The following FOCAD variants were observed in gnomAD, a reference collection of about 807,000 sequenced individuals.
FOCAD encodes the protein KIAA1797.
Under a neutral mutation model 225.6 loss-of-function variants are expected in FOCAD, and 198 were observed. The ratio of observed to expected loss-of-function variants is 0.88; its 90% confidence interval spans 0.78 to 0.99. FOCAD has a LOEUF of 0.99. Ranked by LOEUF, FOCAD falls within the 50% of genes least tolerant of loss-of-function variation. FOCAD has a pLI of 0.00. For synonymous variants in FOCAD, 897 were observed against 755.0 expected, an observed-to-expected ratio of 1.19 and a Z score of -3.08; for missense variants, 2,713 against 2,123.6, an observed-to-expected ratio of 1.28 and a Z score of -5.46.
chr9:20,863,513 A>T (rs1828962962), intron 16 of FOCAD: 1 of 152,132 alleles, frequency 6.6e-6, no homozygotes, highest in Non-Finnish European at 1.5e-5. Context: ...TGGGCTATAC[A>T]ATACCTATCA....
At chr9:20,815,156 A>G (rs1225338096) in intron 11 of FOCAD, among the ~76,000 whole-genome samples, 6 of 24,558 alleles carry the variant, frequency 2.4e-4, no homozygotes, top group African/African-American at 7.7e-4. Flanking sequence ...TTTTTTTTTG[A>G]GACAGTCTCG....
intron 6 of FOCAD, among the ~76,000 whole-genome samples, chr9:20,760,881 G>T (rs190803285): frequency 6.6e-6 from 1 of 152,254 alleles, no homozygotes; most frequent in East Asian, 1.9e-4. Context: ...CTGGGTGACA[G>T]GTTGTTAATG....
At chr9:20,994,334 T>C (rs1209925230) in intron 43 of FOCAD, among the ~76,000 whole-genome samples, 1 of 152,242 alleles carries the variant, frequency 6.6e-6, no homozygotes, top group Admixed American at 6.5e-5. Flanking sequence ...GCATTGGCCG[T>C]ATGGACTACA....
chr9:20,965,557 C>T (rs7869765), intron 35 of FOCAD, among the ~76,000 whole-genome samples: 55,637 of 151,850 alleles, frequency 0.37, 10,451 homozygotes, highest in East Asian at 0.46. Context: ...ATACAACATG[C>T]CATTTTAACC....
At chr9:20,776,993 A>G (rs529645175) in intron 8 of FOCAD, among the ~76,000 whole-genome samples, 1 of 152,166 alleles carries the variant, frequency 6.6e-6, no homozygotes, top group Non-Finnish European at 1.5e-5. Flanking sequence ...ATTGTTTTCG[A>G]CTGTATTTCA....
intron 43 of FOCAD, among the ~76,000 whole-genome samples, chr9:20,993,841 A>G (rs1401867067): frequency 6.6e-6 from 1 of 152,208 alleles, no homozygotes; most frequent in African/African-American, 2.4e-5. Flanking sequence ...TAAATTTACC[A>G]TTTATTTAAA....
At chr9:20,919,005 T>G (rs1834126655) in intron 24 of FOCAD, among the ~76,000 whole-genome samples, 1 of 152,148 alleles carries the variant, frequency 6.6e-6, no homozygotes, top group South Asian at 2.1e-4. Flanking sequence ...TGGCTTGTTT[T>G]GTTCAGAGCT....
intron 21 of FOCAD, chr9:20,897,125 G>A: frequency 6.6e-6 from 1 of 151,766 alleles, no homozygotes; most frequent in Non-Finnish European, 1.5e-5. Context: ...TTCGAGAATT[G>A]ACCCATTTAT....
At chr9:20,689,867 T>A (rs1371881167) in intron 1 of FOCAD, among the ~76,000 whole-genome samples, 1 of 152,228 alleles carries the variant, frequency 6.6e-6, no homozygotes, top group Non-Finnish European at 1.5e-5. Context: ...TAGTACTGTT[T>A]CTAAATTTAA....
chr9:20,769,960 C>CTT, intron 7 of FOCAD, 72 bp from the exon 8 acceptor site: 1 of 1,386,402 alleles, frequency 7.2e-7, no homozygotes, highest in Non-Finnish European at 1.0e-6. Context: ...TTGTTCAAAG[C>CTT]TTTTTGTGTA....
rs7039243 is a variant in FOCAD, at chr9:20,982,066, C to G, written c.4639-291C>G. Reference sequence around the variant, plus strand: ...AATTTAGCATCGCCCTTCCCTCCCCCAAAAGACCTCTGAATTGTAATTTTA... The same window carrying G: ...AATTTAGCATCGCCCTTCCCTCCCCGAAAAGACCTCTGAATTGTAATTTTA... On this transcript the variant is annotated intron_variant, in intron 38 of 43. Transcript: ENST00000338382. 9.1e-3 allele frequency among the ~76,000 whole-genome samples: 1,377 copies of G among 152,136 alleles called. 21 individuals carry two copies. Among genetic ancestry groups the G allele is most frequent in the African/African-American group, 0.031 (1,282 of 41,492 alleles).
At chr9:20,774,542 C>G (rs915170186) in intron 8 of FOCAD, among the ~76,000 whole-genome samples, 1 of 152,142 alleles carries the variant, frequency 6.6e-6, no homozygotes, top group African/African-American at 2.4e-5. Context: ...AGAATAAATG[C>G]TGTACTCTTT....
At chr9:20,901,540 A>G (rs948887001) in intron 21 of FOCAD, among the ~76,000 whole-genome samples, 1 of 151,718 alleles carries the variant, frequency 6.6e-6, no homozygotes, top group Non-Finnish European at 1.5e-5. Flanking sequence ...CATATTTGTT[A>G]AGATCACTCA....
At chr9:20,846,990 A>C (rs1371673971) in intron 15 of FOCAD, among the ~76,000 whole-genome samples, 1 of 152,128 alleles carries the variant, frequency 6.6e-6, no homozygotes, top group Non-Finnish European at 1.5e-5. Flanking sequence ...GCAAAGTTTG[A>C]CCTAGATTTC....
chr9:20,984,909 G>A (rs963986710), intron 39 of FOCAD, among the ~76,000 whole-genome samples: 8 of 152,056 alleles, frequency 5.3e-5, no homozygotes, highest in East Asian at 1.9e-4. Flanking sequence ...CAAGTGATTC[G>A]CCTGCCTCAG....
At chr9:20,801,867 C>T (rs947544444) in intron 11 of FOCAD, among the ~76,000 whole-genome samples, 1 of 152,110 alleles carries the variant, frequency 6.6e-6, no homozygotes, top group Non-Finnish European at 1.5e-5. Flanking sequence ...AAGTCAACCC[C>T]AGAATGCCTC....
At chr9:20,859,380 T>C (rs1419179717) in intron 15 of FOCAD, among the ~76,000 whole-genome samples, 1 of 143,744 alleles carries the variant, frequency 7.0e-6, no homozygotes, top group African/African-American at 2.6e-5. Context: ...AAACTCCATC[T>C]CAAAAAAAAA....
At chr9:20,767,868 G>A (rs1019035949) in intron 7 of FOCAD, among the ~76,000 whole-genome samples, 3 of 151,838 alleles carry the variant, frequency 2.0e-5, no homozygotes, top group African/African-American at 7.3e-5. Flanking sequence ...TGTTGCCATT[G>A]CTGTTGGTGT....
chr9:20,939,701 A>AT (rs202239031), intron 28 of FOCAD, among the ~76,000 whole-genome samples: 2,683 of 139,072 alleles, frequency 0.019, 37 homozygotes, highest in Middle Eastern at 0.038. Context: ...CTTTTATTTT[A>AT]TTTTTTTTTG....
Sources: allele counts gnomAD v4.1 joint callset (sites outside exome capture counted in the v4.1 genomes callset), GRCh38; gene constraint gnomAD v4.1.1; transcripts MANE v1.5; gene names NCBI Gene and HGNC (gene_info 2026-07-23, HGNC 2026-07-21).